The following ZNF536 variants were observed in gnomAD, a reference collection of about 807,000 sequenced individuals.
ZNF536 encodes zinc finger protein 536.
Under a neutral mutation model 84.5 loss-of-function variants are expected in ZNF536, and 13 were observed. That is an observed-to-expected ratio of 0.15 (90% CI 0.10 to 0.24). The LOEUF is 0.24. ZNF536 is among the 10% of genes least tolerant of loss of function. ZNF536 has a pLI of 1.00. For missense variants in ZNF536, 1,536 were observed against 1,747.5 expected (o/e 0.88, Z 2.16); for synonymous variants, 811 against 742.5 (o/e 1.09, Z -1.50).
At chr19:30,621,461 A>G (rs753493389) in intron 1 of ZNF536, among the ~76,000 whole-genome samples, 6 of 152,070 alleles carry the variant, frequency 3.9e-5, no homozygotes, top group Non-Finnish European at 8.8e-5. Context: ...AGAGGCTGAA[A>G]TCAAGCATCC....
exon 2 of ZNF536, chr19:30,713,040 A>G (rs1255576675): frequency 6.6e-6 from 1 of 152,156 alleles, no homozygotes; most frequent in Non-Finnish European, 1.5e-5. Context: ...GAGCTCTTTC[A>G]GTATTTTTTT....
At chr19:30,595,297 A>G (rs1380657552) in intron 1 of ZNF536, among the ~76,000 whole-genome samples, 1 of 151,698 alleles carries the variant, frequency 6.6e-6, no homozygotes, top group Admixed American at 6.6e-5. Context: ...TTTTTTAATT[A>G]TTTTTTAAGA....
chr19:30,369,302 G>A (rs1487878505), upstream of ZNF536, among the ~76,000 whole-genome samples: 1 of 152,168 alleles, frequency 6.6e-6, no homozygotes, highest in Non-Finnish European at 1.5e-5. Flanking sequence ...ATGTCCAAAT[G>A]GTGGAAACAT....
chr19:30,658,349 A>T (rs1260310765), intron 1 of ZNF536, among the ~76,000 whole-genome samples: 1 of 151,970 alleles, frequency 6.6e-6, no homozygotes, highest in Non-Finnish European at 1.5e-5. Context: ...TTAAAACCCA[A>T]GCTCCCCTCA....
At chr19:30,251,673 G>A (rs562452554) in intron 1 of ZNF536, among the ~76,000 whole-genome samples, 11 of 152,162 alleles carry the variant, frequency 7.2e-5, no homozygotes, top group East Asian at 3.9e-4. Context: ...ATTTTGGTGC[G>A]CCCATCTCCT....
intron 1 of ZNF536, among the ~76,000 whole-genome samples, chr19:30,278,932 C>T (rs527467861): frequency 2.4e-4 from 37 of 152,204 alleles, no homozygotes; most frequent in African/African-American, 5.1e-4. Context: ...AAACCCTTTC[C>T]GACTAGGTAC....
chr19:30,281,868 G>A (rs1008320061), intron 1 of ZNF536, among the ~76,000 whole-genome samples: 1 of 152,160 alleles, frequency 6.6e-6, no homozygotes, highest in Non-Finnish European at 1.5e-5. Flanking sequence ...CTCATGGACA[G>A]AGTCTCCTGG....
At chr19:30,634,045 C>T (rs879325549) in intron 1 of ZNF536, among the ~76,000 whole-genome samples, 12 of 152,150 alleles carry the variant, frequency 7.9e-5, no homozygotes, top group African/African-American at 2.4e-4. Context: ...CCACCTCCGT[C>T]GTACCCCTTC....
intron 1 of ZNF536, among the ~76,000 whole-genome samples, chr19:30,237,626 G>C (rs139747125): frequency 6.6e-6 from 1 of 152,152 alleles, no homozygotes; most frequent in Admixed American, 6.5e-5. Flanking sequence ...AGGAAACTTT[G>C]TGTATCTTTT....
At chr19:30,355,889 C>T (rs1269871046) in intron 3 of ZNF536, among the ~76,000 whole-genome samples, 1 of 152,214 alleles carries the variant, frequency 6.6e-6, no homozygotes, top group Non-Finnish European at 1.5e-5. Flanking sequence ...CTCTCACCGC[C>T]TCCCAATCCA....
intron 3 of ZNF536, among the ~76,000 whole-genome samples, 176 bp downstream of exon 3, chr19:30,535,175 A>G (rs973271710): frequency 2.0e-5 from 3 of 152,186 alleles, no homozygotes; most frequent in Admixed American, 1.3e-4. Flanking sequence ...CTGATTCGTC[A>G]CTTAACTAAC....
chr19:30,575,536 G>T (rs1192526029), intron 1 of ZNF536, among the ~76,000 whole-genome samples: 1 of 152,202 alleles, frequency 6.6e-6, no homozygotes, highest in Admixed American at 6.5e-5. Flanking sequence ...TTTCCTGATG[G>T]TTCCTGTGCA....
intron 1 of ZNF536, among the ~76,000 whole-genome samples, chr19:30,617,572 G>T (rs562050408): frequency 6.6e-6 from 1 of 151,282 alleles, no homozygotes; most frequent in East Asian, 2.0e-4. Context: ...GGATGGTCTC[G>T]ATCTCCTGAC....
intron 3 of ZNF536, among the ~76,000 whole-genome samples, chr19:30,355,098 G>A (rs1377445800): frequency 6.6e-6 from 1 of 152,152 alleles, no homozygotes; most frequent in African/African-American, 2.4e-5. Context: ...TATAAAGAAA[G>A]CAGGTGTATT....
chr19:30,290,161 G>T (rs1012795702), intron 2 of ZNF536, among the ~76,000 whole-genome samples: 1 of 152,118 alleles, frequency 6.6e-6, no homozygotes, highest in African/African-American at 2.4e-5. Flanking sequence ...TTGTTTAGTC[G>T]AATGTCCTCA....
At chr19:30,683,125 C>G (rs2051040319) in intron 1 of ZNF536, among the ~76,000 whole-genome samples, 1 of 152,136 alleles carries the variant, frequency 6.6e-6, no homozygotes, top group Non-Finnish European at 1.5e-5. Context: ...ACGCGCCGTG[C>G]CTCCGGCTGC....
At chr19:30,288,063 G>A (rs2045711374) in intron 2 of ZNF536, among the ~76,000 whole-genome samples, 1 of 152,134 alleles carries the variant, frequency 6.6e-6, no homozygotes, top group Admixed American at 6.5e-5. Context: ...ACTGTGCTAG[G>A]CAACCTCTGT....
At chr19:30,587,380 TC>T (rs1272272639) in intron 1 of ZNF536, among the ~76,000 whole-genome samples, 1 of 152,202 alleles carries the variant, frequency 6.6e-6, no homozygotes, top group East Asian at 1.9e-4. Context: ...GAATGCATTT[TC>T]CCAACTAAAT....
intron 1 of ZNF536, among the ~76,000 whole-genome samples, chr19:30,232,780 T>C (rs2023166114): frequency 6.6e-6 from 1 of 152,174 alleles, no homozygotes; most frequent in Non-Finnish European, 1.5e-5. Flanking sequence ...TTTCTCCAGC[T>C]CAGGGCACTC....
Sources: gnomAD v4.1 joint callset for allele counts (sites outside exome capture counted in the v4.1 genomes callset) on GRCh38, gnomAD v4.1.1 for gene constraint, MANE v1.5 for transcripts, NCBI Gene and HGNC (gene_info 2026-07-23, HGNC 2026-07-21) for gene names.